Variants in ACSM2A observed in about 807,000 individuals in gnomAD.
ACSM2A encodes the protein acyl-CoA synthetase medium chain family member 2A.
Under a neutral mutation model 76.6 loss-of-function variants are expected in ACSM2A, and 72 were observed. The ratio of observed to expected loss-of-function variants is 0.94; its 90% confidence interval spans 0.78 to 1.14. ACSM2A has a LOEUF of 1.14. Ranked by LOEUF, ACSM2A falls within the 50% of genes most tolerant of loss-of-function variation. The pLI is 0.00. For missense variants in ACSM2A, 684 were observed against 708.5 expected, an observed-to-expected ratio of 0.97 and a Z score of 0.39; for synonymous variants, 249 against 255.9, an observed-to-expected ratio of 0.97 and a Z score of 0.26.
At chr16:20,479,117 G>A (rs1273169339) in intron 10 of ACSM2A, among the ~76,000 whole-genome samples, 1 of 151,986 alleles carries the variant, frequency 6.6e-6, no homozygotes, top group Non-Finnish European at 1.5e-5. Flanking sequence ...TTCAGATCTT[G>A]GGAAGGTAAA....
intron 8 of ACSM2A, chr16:20,476,410 C>T (rs2013740639): frequency 1.0e-6 from 1 of 985,808 alleles, no homozygotes; most frequent in Non-Finnish European, 1.2e-6. Flanking sequence ...TCTTCCTCTC[C>T]ACTCTCTTAC....
At chr16:20,462,875 T>G (rs2012715937) in intron 2 of ACSM2A, among the ~76,000 whole-genome samples, 1 of 152,158 alleles carries the variant, frequency 6.6e-6, no homozygotes. Flanking sequence ...TGTACACTCA[T>G]GTTCACAGTA....
rs529154821 is a variant in ACSM2A, at chr16:20,459,200, T to C, written c.-8-907T>C. Among the ~76,000 whole-genome samples the C allele has an allele frequency of 2.7e-4, 41 of 152,098 alleles. No homozygotes were observed. In the South Asian group the frequency reaches 7.9e-3, roughly 29 times the overall value. On this transcript the variant is annotated intron_variant, in intron 1 of 13. Coordinates refer to ENST00000573854, the MANE Select transcript of ACSM2A (RefSeq NM_001308172.2). ...AAGGGTACAAAGTGGGTTAAGTGTA[T>C]ACTGTAAGTGTTAAGTGTATACTCC... is the stretch of plus-strand genomic sequence containing the variant.
intron 4 of ACSM2A, 33 bp from the exon 5 acceptor site, chr16:20,471,040 C>T (rs1280297958): frequency 1.2e-6 from 2 of 1,611,576 alleles, no homozygotes; most frequent in Non-Finnish European, 1.7e-6. Context: ...TCCAGTCTAG[C>T]TCTGAAAAAA....
intron 4 of ACSM2A, 95 bp downstream of exon 4, chr16:20,469,814 G>A: frequency 2.0e-6 from 3 of 1,470,342 alleles, no homozygotes; most frequent in Admixed American, 3.6e-5. Context: ...GGTGCAGAAA[G>A]AACAGCATGG....
intron 1 of ACSM2A, among the ~76,000 whole-genome samples, chr16:20,457,718 G>A (rs2141684563): frequency 1.3e-5 from 2 of 152,154 alleles, no homozygotes; most frequent in African/African-American, 4.8e-5. Flanking sequence ...AATAGTGAAT[G>A]GGGAAAAGTT....
At chr16:20,455,165 T>A (rs79195700) in intron 1 of ACSM2A, among the ~76,000 whole-genome samples, 3,094 of 150,508 alleles carry the variant, frequency 0.021, 62 homozygotes, top group African/African-American at 0.073. Context: ...TGATCAAATC[T>A]AAGAATAATT....
chr16:20,475,510 G>A (rs1384755267), intron 7 of ACSM2A, 69 bp downstream of exon 7: 3 of 1,605,600 alleles, frequency 1.9e-6, no homozygotes, highest in African/African-American at 1.3e-5. Context: ...ATACATTCAT[G>A]CCTATCTATC....
intron 9 of ACSM2A, among the ~76,000 whole-genome samples, chr16:20,477,966 G>C (rs2013848425): frequency 6.6e-6 from 1 of 152,040 alleles, no homozygotes; most frequent in African/African-American, 2.4e-5. Flanking sequence ...GCTTTCTCTT[G>C]TTGTTTTTTG....
intron 1 of ACSM2A, among the ~76,000 whole-genome samples, chr16:20,455,804 T>C (rs1397940156): frequency 1.3e-5 from 2 of 151,386 alleles, no homozygotes; most frequent in Non-Finnish European, 2.9e-5. Flanking sequence ...GACATCTCAA[T>C]ACTAATGTTG....
rs1190681269 is a variant in ACSM2A at position 20,487,578 on chromosome 16, A to C, written c.*900A>C. 1 of 152,242 alleles carries C rather than the reference A, an allele frequency of 6.6e-6. No individual in the cohort carries two copies. The highest frequency in any genetic ancestry group is 1.5e-5 in the Non-Finnish European group (1 of 68,046). The allele number at this position is 152,242 out of a possible 1,614,324, so 9.4% of individuals were successfully genotyped here. The stretch of plus-strand genomic sequence containing the variant: ...AGATCATAGCTGTGAGAACAACGTA[A>C]GCACTGCCAAAGTTATCAGCTACCC... On this transcript the variant is annotated 3_prime_UTR_variant, in exon 14 of 14. Coordinates refer to ENST00000573854, the MANE Select transcript of ACSM2A (RefSeq NM_001308172.2).
rs2013235927 is a variant in ACSM2A at position 20,469,495 on chromosome 16, A to G, written c.389-17A>G. Reference sequence around the variant, plus strand: ...AAAATCATCCTTTCCAATTCTCTAAATTGTTGGCTTCTTTAGGTCTCATCT... The same window carrying G: ...AAAATCATCCTTTCCAATTCTCTAAGTTGTTGGCTTCTTTAGGTCTCATCT... On this transcript the variant is annotated splice_polypyrimidine_tract_variant and intron_variant, in intron 3 of 13. Transcript: ENST00000573854. 1 of 1,610,388 alleles carries G rather than the reference A, an allele frequency of 6.2e-7. No individual in the cohort carries two copies. The highest frequency in any genetic ancestry group is 8.5e-7 in the Non-Finnish European group (1 of 1,177,370).
rs548812070 is a variant in ACSM2A at position 20,469,602 on chromosome 16, G to T, written c.479G>T (p.Gly160Val). Reference protein sequence around the residue: ...QMSKAKAIVAGDEVIQEVDTV... With the variant: ...QMSKAKAIVAVDEVIQEVDTV... Reference sequence around the variant, plus strand: ...TCTAAGGCCAAGGCTATTGTTGCTGGGGATGAAGTCATCCAAGAAGTGGAC... The same window carrying T: ...TCTAAGGCCAAGGCTATTGTTGCTGTGGATGAAGTCATCCAAGAAGTGGAC... The change falls in exon 4 of 14, where the codon GGG (glycine) becomes GTG (valine). Residue 160 changes from glycine to valine, a missense_variant. Gly to Val is a moderately radical substitution (Grantham distance 109). Transcript: ENST00000573854. 6.2e-7 allele frequency: 1 copy of T among 1,613,906 alleles called. No homozygotes were observed. The highest frequency in any genetic ancestry group is 1.7e-5 in the Admixed American group (1 of 60,008).
At chr16:20,458,906 A>AG (rs1491220649) in intron 1 of ACSM2A, among the ~76,000 whole-genome samples, 9,348 of 30,078 alleles carry the variant, frequency 0.31, 523 homozygotes, top group East Asian at 0.53. Flanking sequence ...ATATATATGC[A>AG]TATATATATA....
rs531566446 is a variant in ACSM2A, at chr16:20,471,838, C to T, written c.894+149C>T. ...GTTCAGTAAACGAGATGGAAATGGTCCCTGACCTCACAGAGCTCATGTTCT... is the reference window on the plus strand; with the variant it reads ...GTTCAGTAAACGAGATGGAAATGGTTCCTGACCTCACAGAGCTCATGTTCT... On this transcript the variant is annotated intron_variant, in intron 6 of 13. Coordinates refer to ENST00000573854, the MANE Select transcript of ACSM2A (RefSeq NM_001308172.2). The T allele has an allele frequency of 6.5e-6, 9 of 1,390,030 alleles. No individual in the cohort carries two copies. In the African/African-American group the frequency reaches 7.2e-5, roughly 11 times the overall value. 86.1% of individuals were successfully genotyped at this position (1,390,030 alleles called of 1,614,324 possible).
chr16:20,476,968 T>A, intron 8 of ACSM2A: 1 of 170,844 alleles, frequency 5.9e-6, no homozygotes, highest in Non-Finnish European at 1.2e-5. Context: ...CATAAATAGA[T>A]ACACCTATGT....
rs981610934 is a variant in ACSM2A at position 20,480,854 on chromosome 16, C to A, written c.1442C>A (p.Ala481Glu). 1.9e-6 allele frequency: 3 copies of A among 1,613,822 alleles called. No individual in the cohort carries two copies. Among genetic ancestry groups the A allele is most frequent in the African/African-American group, 1.3e-5 (1 of 74,912 alleles). Residue 481 changes from alanine to glutamate, a missense_variant, in exon 12 of 14, where the codon GCA (alanine) becomes GAA (glutamate). Ala to Glu is a moderately radical substitution (Grantham distance 107). This residue lies in a region of ACSM2A where 159 missense variants were observed against 132.5 expected (regional missense o/e 1.20). Transcript: ENST00000573854. ...ATTGGACCCTCGGAGGTAGAGAATG[C>A]ACTGATGGAGCACCCTGCTGTGGTT... ...YRIGPSEVEN[A>E]LMEHPAVVET... is the part of the protein sequence containing the mutation.
intron 6 of ACSM2A, 107 bp downstream of exon 6, chr16:20,471,796 G>C: frequency 2.0e-6 from 3 of 1,530,746 alleles, no homozygotes; most frequent in Non-Finnish European, 2.6e-6. Flanking sequence ...CTAAACCCCT[G>C]CCATGTGGTG....
chr16:20,474,953 A>G (rs1479416484), intron 6 of ACSM2A, among the ~76,000 whole-genome samples: 2 of 152,192 alleles, frequency 1.3e-5, no homozygotes, highest in African/African-American at 4.8e-5. Context: ...GCTGGAAACA[A>G]TCTATTATAA....
Sources: gnomAD v4.1 joint callset for allele counts (sites outside exome capture counted in the v4.1 genomes callset) on GRCh38, gnomAD v4.1.1 for gene constraint, gnomAD v4.1.1 regional missense constraint, MANE v1.5 for transcripts, NCBI Gene and HGNC (gene_info 2026-07-23, HGNC 2026-07-21) for gene names.